The following MDGA2 variants were observed in gnomAD, a reference collection of about 807,000 sequenced individuals.
The protein encoded by MDGA2 is MAM domain containing glycosylphosphatidylinositol anchor 2, also known as MAM domain-containing glycosylphosphatidylinositol anchor protein 2.
In MDGA2, 40 loss-of-function variants were observed where a neutral mutation model predicts 117.8. The observed-to-expected ratio is 0.34, with a 90% CI of 0.26 to 0.44. The LOEUF (loss-of-function observed/expected upper bound fraction) is 0.44, where lower values mean the gene tolerates loss of function less well. Among genes scored for constraint, MDGA2 ranks in the 20% least tolerant of loss-of-function variants. MDGA2 has a pLI of 1.00. For missense variants in MDGA2, 1,123 were observed against 1,250.6 expected (o/e 0.90, Z 1.54); for synonymous variants, 452 against 439.0 (o/e 1.03, Z -0.37).
chr14:46,896,667 C>A (rs1883089408), intron 10 of MDGA2, among the ~76,000 whole-genome samples: 2 of 152,058 alleles, frequency 1.3e-5, no homozygotes, highest in South Asian at 2.1e-4. Flanking sequence ...TAACTTCAAG[C>A]TCTCTATACG....
intron 8 of MDGA2, among the ~76,000 whole-genome samples, chr14:47,034,775 C>T (rs541698947): frequency 6.7e-6 from 1 of 149,948 alleles, no homozygotes; most frequent in East Asian, 2.0e-4. Context: ...CACACTAAAA[C>T]AACTCTTTCT....
At chr14:47,541,813 G>C (rs1451316764) in intron 1 of MDGA2, among the ~76,000 whole-genome samples, 1 of 152,142 alleles carries the variant, frequency 6.6e-6, no homozygotes, top group Non-Finnish European at 1.5e-5. Flanking sequence ...TCCCAATACT[G>C]TTCTTAGGTT....
At position 46,855,727 on chromosome 14, in the gene MDGA2, A is replaced by C. The variant is rs907554217; in HGVS notation, c.2753-573T>G. On this transcript the variant is annotated intron_variant, in intron 14 of 16. Coordinates refer to ENST00000399232, the MANE Select transcript of MDGA2 (RefSeq NM_001113498.3). The surrounding 1 kb of genome is among the most constrained non-coding windows in gnomAD (Gnocchi z 4.1). ...AGCTAATAAATTTGTGTTGTTTTAG[A>C]TCATGAAGTTGGTGATCATTTGTTA... 1.1e-4 allele frequency among the ~76,000 whole-genome samples: 16 copies of C among 152,158 alleles called. No individual in the cohort carries two copies. The highest frequency in any genetic ancestry group is 2.0e-4 in the Admixed American group (3 of 15,268).
chr14:47,382,486 A>C (rs543872656), intron 1 of MDGA2, among the ~76,000 whole-genome samples: 9 of 152,314 alleles, frequency 5.9e-5, no homozygotes, highest in African/African-American at 2.2e-4. Context: ...AGAATCTACA[A>C]ATGACTTAAA....
chr14:47,581,573 G>A (rs970074464), intron 1 of MDGA2, among the ~76,000 whole-genome samples: 2 of 151,894 alleles, frequency 1.3e-5, no homozygotes, highest in Non-Finnish European at 2.9e-5. Flanking sequence ...ATATTTTGTT[G>A]TCCCATTGAT....
At chr14:47,178,440 C>A (rs1403897347) in intron 3 of MDGA2, among the ~76,000 whole-genome samples, 1 of 152,062 alleles carries the variant, frequency 6.6e-6, no homozygotes, top group Non-Finnish European at 1.5e-5. Flanking sequence ...ACTATATTGC[C>A]TTTTATTTGT....
chr14:47,342,019 T>C (rs2900002), intron 1 of MDGA2, among the ~76,000 whole-genome samples: 27,558 of 151,748 alleles, frequency 0.18, 2,834 homozygotes, highest in East Asian at 0.44. Context: ...TTTGTATTTT[T>C]AGTAGAGACA....
intron 2 of MDGA2, among the ~76,000 whole-genome samples, chr14:47,267,128 C>G (rs1450609312): frequency 6.6e-6 from 1 of 152,068 alleles, no homozygotes; most frequent in Non-Finnish European, 1.5e-5. Context: ...TGTTAAGAAT[C>G]TAACCATGTC....
intron 1 of MDGA2, among the ~76,000 whole-genome samples, chr14:47,354,400 A>G (rs1890947555): frequency 6.6e-6 from 1 of 152,148 alleles, no homozygotes; most frequent in Admixed American, 6.5e-5. Context: ...AGAACAACAA[A>G]AAACAGTCAG....
chr14:47,105,822 C>A (rs1268875381), intron 5 of MDGA2, among the ~76,000 whole-genome samples: 1 of 151,898 alleles, frequency 6.6e-6, no homozygotes, highest in Non-Finnish European at 1.5e-5. Flanking sequence ...TTTCTACAGA[C>A]CCATCTGACC....
chr14:46,921,124 C>T (rs984420412), intron 9 of MDGA2, among the ~76,000 whole-genome samples: 1 of 151,972 alleles, frequency 6.6e-6, no homozygotes, highest in East Asian at 1.9e-4. Flanking sequence ...TTAATGAGAA[C>T]CTATTCAATG....
chr14:47,628,756 G>T (rs185684503), intron 1 of MDGA2, among the ~76,000 whole-genome samples: 44 of 152,340 alleles, frequency 2.9e-4, no homozygotes, highest in Admixed American at 2.2e-3. Context: ...CAAGAATGAA[G>T]ATTTTTTTCC....
intron 14 of MDGA2, among the ~76,000 whole-genome samples, chr14:46,861,753 T>G (rs1001796937): frequency 6.6e-6 from 1 of 151,958 alleles, no homozygotes; most frequent in African/African-American, 2.4e-5. Flanking sequence ...TACTGATATA[T>G]TTTAGAGGTG....
intron 1 of MDGA2, among the ~76,000 whole-genome samples, chr14:47,323,192 A>ATATATATC (rs1890039877): frequency 8.1e-6 from 1 of 123,644 alleles, no homozygotes; most frequent in Non-Finnish European, 1.7e-5. Flanking sequence ...ATATATATAT[A>ATATATATC]TGGTATATAG....
chr14:47,119,174 G>T lies in MDGA2; in HGVS notation c.925+12540C>A, dbSNP rs58975285. On this transcript the variant is annotated intron_variant, in intron 5 of 16. Transcript: ENST00000399232. ...CACGCCATTCTCCTGCCTCAGCCCC[G>T]CCCCCCCCCCCCCACCCCGTAGCTG... 2.4e-3 allele frequency among the ~76,000 whole-genome samples: 18 copies of T among 7,416 alleles called. 3 individuals are homozygous for T. The highest frequency in any genetic ancestry group is 3.1e-3 in the African/African-American group (16 of 5,172). The allele number at this position is 7,416 out of a possible 152,430, so 4.9% of individuals were successfully genotyped here. A position where few individuals can be genotyped will look rare whatever the true frequency, so the allele number is the denominator to read the frequency against.
intron 5 of MDGA2, among the ~76,000 whole-genome samples, chr14:47,105,466 T>C (rs1285172469): frequency 2.0e-5 from 3 of 151,740 alleles, no homozygotes; most frequent in Non-Finnish European, 4.4e-5. Flanking sequence ...TCTTCTCCCT[T>C]AGCCTGTGTT....
At chr14:47,528,448 C>A (rs1430736158) in intron 1 of MDGA2, among the ~76,000 whole-genome samples, 1 of 152,158 alleles carries the variant, frequency 6.6e-6, no homozygotes, top group Non-Finnish European at 1.5e-5. Context: ...TATGGAAGTT[C>A]TTTGGTCAGT....
intron 1 of MDGA2, among the ~76,000 whole-genome samples, chr14:47,385,872 T>C (rs1891744480): frequency 6.6e-6 from 1 of 152,188 alleles, no homozygotes; most frequent in Non-Finnish European, 1.5e-5. Context: ...CCCAAAACTG[T>C]AATCACTAAC....
At chr14:47,085,039 A>G (rs1890847724) in intron 6 of MDGA2, among the ~76,000 whole-genome samples, 2 of 152,160 alleles carry the variant, frequency 1.3e-5, no homozygotes, top group African/African-American at 4.8e-5. Context: ...CTTCAGAAAT[A>G]AAGTTCTAAA....
Sources: allele counts gnomAD v4.1 joint callset (sites outside exome capture counted in the v4.1 genomes callset), GRCh38; gene constraint gnomAD v4.1.1; non-coding constraint Gnocchi (gnomAD v3.1); transcripts MANE v1.5; gene names NCBI Gene and HGNC (gene_info 2026-07-23, HGNC 2026-07-21).